ASAH2: variants seen among roughly 807,000 people sequenced by gnomAD.
The protein encoded by ASAH2 is N-acylsphingosine amidohydrolase 2.
A neutral mutation model predicts 82.9 loss-of-function variants in ASAH2; 58 were observed. That is an observed-to-expected ratio of 0.70 (90% CI 0.57 to 0.87). The LOEUF (loss-of-function observed/expected upper bound fraction) is 0.87. Ranked by LOEUF, ASAH2 falls within the 40% of genes least tolerant of loss-of-function variation. ASAH2 has a pLI of 0.00. For missense variants in ASAH2, 779 were observed against 834.0 expected, an observed-to-expected ratio of 0.93 and a Z score of 0.81; for synonymous variants, 276 against 289.7, an observed-to-expected ratio of 0.95 and a Z score of 0.48.
At chr10:50,208,040 T>G (rs1159526801) in intron 12 of ASAH2, among the ~76,000 whole-genome samples, 8 of 151,924 alleles carry the variant, frequency 5.3e-5, no homozygotes, top group Admixed American at 4.6e-4. Flanking sequence ...GTACAACATA[T>G]TAATATAATT....
At chr10:50,195,823 A>T (rs2133195114) in intron 18 of ASAH2, among the ~76,000 whole-genome samples, 1 of 151,994 alleles carries the variant, frequency 6.6e-6, no homozygotes, top group African/African-American at 2.4e-5. Context: ...GATCTCACTT[A>T]TATATAGAAC....
intron 1 of ASAH2, 47 bp from the exon 2 acceptor site, chr10:50,248,693 A>G: frequency 7.1e-7 from 1 of 1,418,318 alleles, no homozygotes; most frequent in Non-Finnish European, 9.6e-7. Flanking sequence ...CTTTAAGCCA[A>G]CCGAGGTTAA....
At chr10:50,244,199 G>A (rs2133233050) in intron 3 of ASAH2, among the ~76,000 whole-genome samples, 1 of 152,290 alleles carries the variant, frequency 6.6e-6, no homozygotes, top group East Asian at 1.9e-4. Flanking sequence ...TTGGGAACAA[G>A]ATGTTGTGGC....
Position 50,212,182 on chromosome 10 carries a change from AACACACACACAC to A in ASAH2, c.1227+778_1227+789del, listed in dbSNP as rs3837301. Among the ~76,000 whole-genome samples the A allele has an allele frequency of 3.4e-4, 50 of 147,016 alleles. 1 individual carries two copies. The East Asian group carries it at 7.8e-3, about 23-fold the overall frequency. On this transcript the variant is annotated intron_variant, in intron 10 of 20. Transcript: ENST00000682911. ...TAGAACCCTTGGAATAAACTATTTAAACACACACACACACACACACACACACACACGCAGCAA... is the reference window on the plus strand; with the variant it reads ...TAGAACCCTTGGAATAAACTATTTAAACACACACACACACACACGCAGCAA...
intron 4 of ASAH2, among the ~76,000 whole-genome samples, chr10:50,239,738 T>C (rs1249032851): frequency 6.9e-6 from 1 of 145,286 alleles, no homozygotes; most frequent in African/African-American, 2.5e-5. Context: ...CATTAATCCA[T>C]ACAAGGCACT....
At chr10:50,238,354 AC>A (rs1384799722) in intron 4 of ASAH2, among the ~76,000 whole-genome samples, 1 of 152,106 alleles carries the variant, frequency 6.6e-6, no homozygotes, top group African/African-American at 2.4e-5. Context: ...TGCCTCATTA[AC>A]CTCTCCTTGT....
intron 16 of ASAH2, among the ~76,000 whole-genome samples, chr10:50,201,331 A>G (rs1009551578): frequency 7.9e-5 from 12 of 152,228 alleles, no homozygotes; most frequent in African/African-American, 2.6e-4. Context: ...CTATCTGCAG[A>G]CAGCAAAGCT....
chr10:50,202,559 A>G (rs1845179432), intron 16 of ASAH2, among the ~76,000 whole-genome samples: 1 of 152,068 alleles, frequency 6.6e-6, no homozygotes, highest in Non-Finnish European at 1.5e-5. Flanking sequence ...TTATGCCACA[A>G]CCCAGGCTTG....
intron 8 of ASAH2, among the ~76,000 whole-genome samples, chr10:50,217,291 G>A (rs1330132361): frequency 6.8e-6 from 1 of 146,082 alleles, no homozygotes; most frequent in Non-Finnish European, 1.5e-5. Flanking sequence ...GCAATGGCAC[G>A]ATCTTGGCTC....
At chr10:50,240,103 C>G (rs1184672375) in intron 4 of ASAH2, among the ~76,000 whole-genome samples, 1 of 152,104 alleles carries the variant, frequency 6.6e-6, no homozygotes, top group African/African-American at 2.4e-5. Context: ...GCTGGGATTA[C>G]AGACGTGAGC....
chr10:50,242,004 C>T (rs1425779315), intron 4 of ASAH2, among the ~76,000 whole-genome samples: 1 of 151,954 alleles, frequency 6.6e-6, no homozygotes, highest in Non-Finnish European at 1.5e-5. Flanking sequence ...ACTCCACGTT[C>T]TGCACATGTA....
intron 7 of ASAH2, among the ~76,000 whole-genome samples, chr10:50,230,153 G>A (rs1845986902): frequency 1.3e-5 from 2 of 152,164 alleles, no homozygotes; most frequent in African/African-American, 4.8e-5. Flanking sequence ...TCATTCCAAG[G>A]AAGTATTGCG....
chr10:50,238,891 A>T (rs1846223467), intron 4 of ASAH2, among the ~76,000 whole-genome samples: 1 of 152,222 alleles, frequency 6.6e-6, no homozygotes, highest in Non-Finnish European at 1.5e-5. Context: ...ATATGAAGCC[A>T]GACATATGGG....
chr10:50,236,403 C>T (rs908271448), intron 4 of ASAH2, among the ~76,000 whole-genome samples: 2 of 152,084 alleles, frequency 1.3e-5, no homozygotes, highest in African/African-American at 2.4e-5. Flanking sequence ...TGAGAACTCA[C>T]TATCATGAGA....
chr10:50,211,191 A>G (rs1407216466), intron 10 of ASAH2, 57 bp from the exon 11 acceptor site: 6 of 1,198,164 alleles, frequency 5.0e-6, no homozygotes, highest in Non-Finnish European at 7.5e-6. Flanking sequence ...ATCATCTCCA[A>G]CTGTACTCAG....
At chr10:50,212,466 G>T (rs1845481645) in intron 10 of ASAH2, among the ~76,000 whole-genome samples, 1 of 151,996 alleles carries the variant, frequency 6.6e-6, no homozygotes, top group African/African-American at 2.4e-5. Context: ...AAGAATAGCT[G>T]GATGATCTTT....
At chr10:50,220,836 C>CAAAA (rs1206033397) in intron 7 of ASAH2, among the ~76,000 whole-genome samples, 5 of 76,210 alleles carry the variant, frequency 6.6e-5, no homozygotes, top group African/African-American at 1.8e-4. Flanking sequence ...ATACTCTAGC[C>CAAAA]AAAAAAAAAA....
intron 4 of ASAH2, 123 bp from the exon 5 acceptor site, chr10:50,236,187 G>T: frequency 2.3e-6 from 2 of 872,774 alleles, no homozygotes; most frequent in East Asian, 2.5e-5. Flanking sequence ...CCATTCTCAT[G>T]CTGCTAATAA....
At chr10:50,223,442 C>T (rs1264086829) in intron 7 of ASAH2, among the ~76,000 whole-genome samples, 1 of 152,080 alleles carries the variant, frequency 6.6e-6, no homozygotes, top group Non-Finnish European at 1.5e-5. Flanking sequence ...TCAGCCAGCC[C>T]AGAAAAGAGG....
Sources: gnomAD v4.1 joint callset for allele counts (sites outside exome capture counted in the v4.1 genomes callset) on GRCh38, gnomAD v4.1.1 for gene constraint, MANE v1.5 for transcripts, NCBI Gene and HGNC (gene_info 2026-07-23, HGNC 2026-07-21) for gene names.